Variants in SMUG1 observed in about 807,000 individuals in gnomAD.
The protein encoded by SMUG1 is single-strand selective monofunctional uracil DNA glycosylase.
A neutral mutation model predicts 23.9 loss-of-function variants in SMUG1; 13 were observed. That is an observed-to-expected ratio of 0.54 (90% confidence interval 0.35 to 0.86). The LOEUF (loss-of-function observed/expected upper bound fraction) is 0.86. Among genes scored for constraint, SMUG1 ranks in the 40% least tolerant of loss-of-function variants. The pLI is 0.01. For synonymous variants in SMUG1, 133 were observed against 139.8 expected (o/e 0.95, Z 0.34); for missense variants, 313 against 339.5 (o/e 0.92, Z 0.61).
At position 54,186,381 on chromosome 12, in the gene SMUG1, C is replaced by T. The variant is rs551247651; in HGVS notation, c.-20+1438G>A. Among the ~76,000 whole-genome samples, 197 of 150,866 alleles carry T rather than the reference C, an allele frequency of 1.3e-3. 2 individuals are homozygous for T. Among genetic ancestry groups the T allele is most frequent in the African/African-American group, 4.5e-3 (187 of 41,180 alleles). Reference sequence around the variant, plus strand: ...TTTTTGAGACAGAATCTTGCTCTGTCGCCCAGACTGGAGTGCAGTGGCGCG... The same window carrying T: ...TTTTTGAGACAGAATCTTGCTCTGTTGCCCAGACTGGAGTGCAGTGGCGCG... On this transcript the variant is annotated intron_variant, in intron 2 of 3. Transcript: ENST00000682136.
intron 4 of SMUG1, among the ~76,000 whole-genome samples, chr12:54,158,318 G>A (rs1377417428): frequency 1.3e-5 from 2 of 152,182 alleles, no homozygotes. Flanking sequence ...GGAGAAGGGG[G>A]CTGGCAGCCA....
intron 2 of SMUG1, 47 bp from the exon 3 acceptor site, chr12:54,184,006 G>A: frequency 1.4e-6 from 2 of 1,417,268 alleles, no homozygotes; most frequent in Non-Finnish European, 9.3e-7. Flanking sequence ...CAGCCACAGA[G>A]TAGGAGGGAT....
chr12:54,171,964 T>G (rs1940630614), intron 3 of SMUG1: 2 of 405,230 alleles, frequency 4.9e-6, no homozygotes, highest in South Asian at 3.4e-5. Flanking sequence ...TATCAAAAAT[T>G]TGACCACTCC....
intron 3 of SMUG1, 105 bp from the exon 4 acceptor site, chr12:54,182,728 C>T: frequency 6.7e-7 from 1 of 1,499,146 alleles, no homozygotes; most frequent in Non-Finnish European, 8.9e-7. Flanking sequence ...CCAGCCTGCA[C>T]CCCCTACCCC....
In SMUG1 at chr12:54,188,299, AATAATAAT is replaced by A. The variant is rs1565844687; in HGVS notation, c.-103-405_-103-398del. ...AATAATAATAATAATAATAATAAATAATAATAATAATAATAATAATAATAATAATAATA... is the reference window on the plus strand; with the variant it reads ...AATAATAATAATAATAATAATAAATAAATAATAATAATAATAATAATAATA... On this transcript the variant is annotated intron_variant, in intron 1 of 3. Transcript: ENST00000682136. Among the ~76,000 whole-genome samples the A allele has an allele frequency of 8.9e-3, 538 of 60,160 alleles. 5 individuals are homozygous for A. Among genetic ancestry groups the A allele is most frequent in the South Asian group, 0.015 (27 of 1,758 alleles). 39.5% of individuals were successfully genotyped at this position (60,160 alleles called of 152,430 possible). A position where few individuals can be genotyped will look rare whatever the true frequency, so the allele number is the denominator to read the frequency against.
chr12:54,159,846 C>A (rs1288251652), downstream of SMUG1, among the ~76,000 whole-genome samples: 1 of 152,224 alleles, frequency 6.6e-6, no homozygotes, highest in Non-Finnish European at 1.5e-5. Flanking sequence ...GGAGCATCAG[C>A]CAGGGCGCAG....
intron 3 of SMUG1, chr12:54,168,570 C>T (rs1940543664): frequency 6.6e-6 from 1 of 152,200 alleles, no homozygotes; most frequent in African/African-American, 2.4e-5. Flanking sequence ...CATTCATTTA[C>T]CCATTCAATA....
chr12:54,171,341 T>C (rs1237295579), intron 3 of SMUG1, among the ~76,000 whole-genome samples: 1 of 151,354 alleles, frequency 6.6e-6, no homozygotes, highest in East Asian at 2.0e-4. Flanking sequence ...GGGGATCTCA[T>C]CCAGTGTCAC....
intron 3 of SMUG1, 108 bp downstream of exon 3, chr12:54,183,548 A>T: frequency 9.0e-7 from 1 of 1,115,372 alleles, no homozygotes; most frequent in Non-Finnish European, 1.3e-6. Context: ...GGGCGGGAGG[A>T]CCTACACATG....
rs1375616533 is a variant in SMUG1 at position 54,180,377 on chromosome 12, G to T, written c.*1719C>A. On this transcript the variant is annotated 3_prime_UTR_variant, in exon 4 of 4. Transcript: ENST00000682136. ...TCCTTCTCAGGAACTGAAGACAAAG[G>T]CCAAATTCTTTATTATACAATGAAG... The T allele has an allele frequency of 1.3e-5, 2 of 152,142 alleles. No individual in the cohort carries two copies. Among genetic ancestry groups the T allele is most frequent in the Admixed American group, 6.5e-5 (1 of 15,270 alleles). 9.4% of individuals were successfully genotyped at this position (152,142 alleles called of 1,614,324 possible).
exon 3 of SMUG1, chr12:54,172,069 T>TTGTTTTCTCAATC: frequency 4.4e-6 from 2 of 455,852 alleles, no homozygotes; most frequent in Non-Finnish European, 8.8e-6. Flanking sequence ...GCTTCTGCCC[T>TTGTTTTCTCAATC]TGTTTTCTCA....
At chr12:54,176,802 G>A (rs1390175515), downstream of SMUG1, among the ~76,000 whole-genome samples, 30 of 139,468 alleles carry the variant, frequency 2.2e-4, no homozygotes, top group African/African-American at 7.0e-4. Context: ...GCAAGACTCC[G>A]TGTCAAAAAA....
At chr12:54,184,310 C>A in intron 2 of SMUG1, 1 of 178,718 alleles carries the variant, frequency 5.6e-6, no homozygotes, top group Non-Finnish European at 1.2e-5. Context: ...TTACTGGTGG[C>A]ATCCTTTCAG....
At chr12:54,159,023 C>T (rs575607919) in intron 4 of SMUG1, among the ~76,000 whole-genome samples, 3 of 152,258 alleles carry the variant, frequency 2.0e-5, no homozygotes, top group Non-Finnish European at 2.9e-5. Context: ...CACTTTCTCC[C>T]TCTGTCAACC....
intron 3 of SMUG1, 195 bp from the exon 4 acceptor site, chr12:54,182,818 T>C (rs989198314): frequency 3.6e-6 from 4 of 1,121,604 alleles, no homozygotes; most frequent in Non-Finnish European, 4.9e-6. Flanking sequence ...TTCTTCATTG[T>C]GAACCGTGGT....
chr12:54,186,348 T>C (rs1242365937), intron 2 of SMUG1, among the ~76,000 whole-genome samples: 1 of 97,134 alleles, frequency 1.0e-5, no homozygotes, highest in Non-Finnish European at 2.3e-5. Flanking sequence ...TTGTTTTGTT[T>C]TGTTTTTTTT....
downstream of SMUG1, among the ~76,000 whole-genome samples, chr12:54,176,517 A>C (rs60947873): frequency 0.11 from 8,609 of 75,468 alleles, 1,204 homozygotes; most frequent in South Asian, 0.22. Flanking sequence ...TCCCCCCCCA[A>C]AAAAAAAGGC....
In SMUG1 at chr12:54,180,525, C is replaced by T. The variant is rs1940911695; in HGVS notation, c.*1571G>A. The T allele has an allele frequency of 1.3e-5, 2 of 152,148 alleles. No homozygotes were observed. Among genetic ancestry groups the T allele is most frequent in the African/African-American group, 4.8e-5 (2 of 41,432 alleles). 9.4% of individuals were successfully genotyped at this position (152,148 alleles called of 1,614,324 possible). A position where few individuals can be genotyped will look rare whatever the true frequency, so the allele number is the denominator to read the frequency against. On this transcript the variant is annotated 3_prime_UTR_variant, in exon 4 of 4. Transcript: ENST00000682136. ...GTGGTCTCAAGACCTGCTCTGCTCC[C>T]AACTTGGTTCACTTTCCCAGCCCTT... is the stretch of plus-strand genomic sequence containing the variant.
chr12:54,169,869 G>C (rs543196737), intron 3 of SMUG1, among the ~76,000 whole-genome samples: 52 of 152,252 alleles, frequency 3.4e-4, no homozygotes, highest in African/African-American at 1.2e-3. Context: ...CTATGTTTAG[G>C]GCCCTGGCCA....
Sources: allele counts gnomAD v4.1 joint callset (sites outside exome capture counted in the v4.1 genomes callset), GRCh38; gene constraint gnomAD v4.1.1; transcripts MANE v1.5; gene names NCBI Gene and HGNC (gene_info 2026-07-23, HGNC 2026-07-21).